The following STAM2 variants were observed in gnomAD, a reference collection of about 807,000 sequenced individuals.
The protein encoded by STAM2 is signal transducing adapter molecule 2.
In STAM2, 51 loss-of-function variants were observed where a neutral mutation model predicts 65.6. The observed-to-expected ratio is 0.78, with a 90% confidence interval of 0.62 to 0.98. The LOEUF is 0.98. Ranked by LOEUF, STAM2 falls within the 50% of genes least tolerant of loss-of-function variation. The pLI is 0.00. For synonymous variants in STAM2, 198 were observed against 208.4 expected, an observed-to-expected ratio of 0.95 and a Z score of 0.43; for missense variants, 584 against 617.8, an observed-to-expected ratio of 0.95 and a Z score of 0.58.
intron 1 of STAM2, among the ~76,000 whole-genome samples, chr2:152,162,740 C>T (rs1396718054): frequency 1.3e-5 from 2 of 152,166 alleles, no homozygotes; most frequent in South Asian, 2.1e-4. Context: ...CTCCCTGGTT[C>T]AAGTGATTCT....
At chr2:152,166,964 T>A (rs977009040) in intron 1 of STAM2, among the ~76,000 whole-genome samples, 1 of 152,168 alleles carries the variant, frequency 6.6e-6, no homozygotes, top group African/African-American at 2.4e-5. Context: ...AAGAAAATAG[T>A]TTGCGAGTTT....
In STAM2 at chr2:152,117,306, T is replaced by C. The variant is rs905754606; in HGVS notation, c.*3268A>G. ...CCTACTGACTAGCTGGGACTACAGG[T>C]GCACTACCACACCTGGCTAAGTTTT... On this transcript the variant is annotated 3_prime_UTR_variant, in exon 14 of 14. Transcript: ENST00000263904. The C allele has an allele frequency of 6.6e-6, 1 of 151,990 alleles. No homozygotes were observed. Among genetic ancestry groups the C allele is most frequent in the African/African-American group, 2.4e-5 (1 of 41,362 alleles). The allele number at this position is 151,990 out of a possible 1,614,324, so 9.4% of individuals were successfully genotyped here. A position where few individuals can be genotyped will look rare whatever the true frequency, so the allele number is the denominator to read the frequency against.
chr2:152,160,403 C>T (rs1458123363), intron 1 of STAM2, among the ~76,000 whole-genome samples: 3 of 151,594 alleles, frequency 2.0e-5, no homozygotes, highest in East Asian at 2.0e-4. Flanking sequence ...ATGTGAGGAG[C>T]GTCTCTGCCC....
At chr2:152,150,292 T>C in intron 1 of STAM2, 63 bp from the exon 2 acceptor site, 1 of 1,068,896 alleles carries the variant, frequency 9.4e-7, no homozygotes, top group Non-Finnish European at 1.4e-6. Context: ...AAAATACCAG[T>C]AAAGGTCCAA....
At chr2:152,147,913 G>C in intron 4 of STAM2, 111 bp downstream of exon 4, 1 of 813,064 alleles carries the variant, frequency 1.2e-6, no homozygotes, top group Non-Finnish European at 1.9e-6. Flanking sequence ...TCATTTCAAT[G>C]ATCTAAAAAT....
At chr2:152,147,403 TTAATTATA>T in intron 4 of STAM2, 95 bp from the exon 5 acceptor site, 1 of 1,220,862 alleles carries the variant, frequency 8.2e-7, no homozygotes, top group Non-Finnish European at 1.1e-6. Flanking sequence ...AAAATTCTCT[TTAATTATA>T]TGAACATCAA....
intron 13 of STAM2, 92 bp downstream of exon 13, chr2:152,123,674 G>C: frequency 8.0e-7 from 1 of 1,245,980 alleles, no homozygotes. Context: ...AAACAGTTCT[G>C]TAACTTCATC....
In STAM2 at chr2:152,141,751, C is replaced by T. The variant is rs374402987; in HGVS notation, c.704+2076G>A. 5.3e-4 allele frequency among the ~76,000 whole-genome samples: 81 copies of T among 151,652 alleles called. No homozygotes were observed. The East Asian group carries it at 0.011, about 20-fold the overall frequency. ...GACTACAGGCGTGCGCCACCATGCA[C>T]GGCTAATTTTTGTATTTTTAGTAGA... On this transcript the variant is annotated intron_variant, in intron 7 of 13. Coordinates refer to ENST00000263904, the MANE Select transcript of STAM2 (RefSeq NM_005843.6).
At chr2:152,167,111 T>A (rs13382381) in intron 1 of STAM2, among the ~76,000 whole-genome samples, 7,731 of 152,258 alleles carry the variant, frequency 0.051, 566 homozygotes, top group African/African-American at 0.16. Context: ...ATGCTTTTTT[T>A]AAATATGAGA....
chr2:152,137,791 T>A (rs991050897), intron 7 of STAM2, among the ~76,000 whole-genome samples: 1 of 152,152 alleles, frequency 6.6e-6, no homozygotes, highest in African/African-American at 2.4e-5. Context: ...GAAATTTTAA[T>A]GTACTATGTG....
chr2:152,161,239 A>AGGGTTAAAT (rs750559907), intron 1 of STAM2, among the ~76,000 whole-genome samples: 12 of 151,498 alleles, frequency 7.9e-5, no homozygotes, highest in Non-Finnish European at 1.2e-4. Flanking sequence ...GTGTCCACTC[A>AGGGTTAAAT]GGGTTGAATG....
intron 1 of STAM2, 104 bp downstream of exon 1, chr2:152,175,499 C>T (rs1689999175): frequency 3.4e-6 from 5 of 1,482,544 alleles, no homozygotes; most frequent in Non-Finnish European, 4.7e-6. Flanking sequence ...CCTCCCTTCG[C>T]TTTGCTTCCT....
At chr2:152,131,986 C>A in intron 11 of STAM2, 128 bp downstream of exon 11, 3 of 612,292 alleles carry the variant, frequency 4.9e-6, no homozygotes, top group East Asian at 3.0e-5. Flanking sequence ...TGTTAAAAGC[C>A]TGGGAAACTG....
Position 152,117,180 on chromosome 2 carries a change from C to T in STAM2, c.*3394G>A, listed in dbSNP as rs920730515. 2 of 152,098 alleles carry T rather than the reference C, an allele frequency of 1.3e-5. No individual in the cohort carries two copies. The highest frequency in any genetic ancestry group is 2.9e-5 in the Non-Finnish European group (2 of 68,002). 9.4% of individuals were successfully genotyped at this position (152,098 alleles called of 1,614,324 possible). ...GCTTGATAAAATTAGAATTCTTCTT[C>T]TGGGGAATTTTCTTTTTGAGACAGG... On this transcript the variant is annotated 3_prime_UTR_variant, in exon 14 of 14. Coordinates refer to ENST00000263904, the MANE Select transcript of STAM2 (RefSeq NM_005843.6).
intron 1 of STAM2, among the ~76,000 whole-genome samples, chr2:152,157,159 G>A (rs1341666179): frequency 6.6e-6 from 1 of 152,116 alleles, no homozygotes; most frequent in Non-Finnish European, 1.5e-5. Flanking sequence ...GAGAGATGGC[G>A]ACCAGGTTTC....
At chr2:152,133,346 GA>G in intron 9 of STAM2, 55 bp downstream of exon 9, 1 of 1,543,866 alleles carries the variant, frequency 6.5e-7, no homozygotes, top group Non-Finnish European at 8.9e-7. Flanking sequence ...CATTCTCAAA[GA>G]TAGTACATTT....
Sources: allele counts gnomAD v4.1 joint callset (sites outside exome capture counted in the v4.1 genomes callset), GRCh38; gene constraint gnomAD v4.1.1; transcripts MANE v1.5; gene names NCBI Gene and HGNC (gene_info 2026-07-23, HGNC 2026-07-21).